DPP6: variants seen among roughly 807,000 people sequenced by gnomAD.
DPP6 encodes dipeptidyl peptidase like 6, also known as A-type potassium channel modulatory protein DPP6.
A neutral mutation model predicts 122.6 loss-of-function variants in DPP6; 69 were observed. That is an observed-to-expected ratio of 0.56 (90% CI 0.46 to 0.69). The LOEUF (loss-of-function observed/expected upper bound fraction) is 0.69, where lower values mean the gene tolerates loss of function less well. Ranked by LOEUF, DPP6 falls within the 30% of genes least tolerant of loss-of-function variation. DPP6 has a pLI of 0.00. For synonymous variants in DPP6, 418 were observed against 433.1 expected, an observed-to-expected ratio of 0.97 and a Z score of 0.43; for missense variants, 928 against 1,116.9, an observed-to-expected ratio of 0.83 and a Z score of 2.41.
At chr7:154,315,886 T>G (rs536100162) in intron 1 of DPP6, among the ~76,000 whole-genome samples, 64 of 152,292 alleles carry the variant, frequency 4.2e-4, no homozygotes, top group African/African-American at 1.5e-3. Context: ...ATATGGTACT[T>G]CCTGTACCTT....
chr7:153,762,037 A>G, the DPP6 span, among the ~76,000 whole-genome samples: 5 of 152,332 alleles, frequency 3.3e-5, no homozygotes, highest in East Asian at 7.7e-4. Flanking sequence ...TTCTAGTTAC[A>G]TGTCCTGCAG....
intron 17 of DPP6, among the ~76,000 whole-genome samples, chr7:154,864,293 C>T (rs993252943): frequency 2.0e-5 from 3 of 152,196 alleles, no homozygotes; most frequent in Non-Finnish European, 4.4e-5. Context: ...TTCCATCAAT[C>T]CCCTGAACCT....
Position 154,821,649 on chromosome 7 carries a change from CATATAT to C in DPP6, c.1666+14547_1666+14552del, listed in dbSNP as rs71184039. ...TTCTGTATATATATATATATATACACATATATATATATATACACATATATATATACA... is the reference window on the plus strand; with the variant it reads ...TTCTGTATATATATATATATATACACATATATATACACATATATATATACA... On this transcript the variant is annotated intron_variant, in intron 16 of 25. Transcript: ENST00000377770. The surrounding 1 kb of genome is among the most constrained non-coding windows in gnomAD (Gnocchi z 4.2). 5.9e-4 allele frequency among the ~76,000 whole-genome samples: 56 copies of C among 94,476 alleles called. 1 individual carries two copies. In the East Asian group the frequency reaches 0.023, roughly 38 times the overall value. 62.0% of individuals were successfully genotyped at this position (94,476 alleles called of 152,430 possible).
the DPP6 span, among the ~76,000 whole-genome samples, chr7:153,791,410 T>G: frequency 1.0e-5 from 1 of 98,998 alleles, no homozygotes; most frequent in Non-Finnish European, 2.1e-5. Flanking sequence ...CTGCCTTCCT[T>G]CCTTCCTTCC....
intron 1 of DPP6, among the ~76,000 whole-genome samples, chr7:154,354,180 A>G (rs1286097516): frequency 6.6e-6 from 1 of 152,210 alleles, no homozygotes; most frequent in African/African-American, 2.4e-5. Context: ...CTTCTCAGCT[A>G]TCTTCCCTAT....
At chr7:154,261,223 C>G (rs186657852) in intron 1 of DPP6, among the ~76,000 whole-genome samples, 1 of 152,152 alleles carries the variant, frequency 6.6e-6, no homozygotes, top group Non-Finnish European at 1.5e-5. Context: ...GGAATCTCCA[C>G]ACTGTTTTCC....
At chr7:153,977,665 G>A (rs1204216125) in intron 1 of DPP6, among the ~76,000 whole-genome samples, 5 of 151,976 alleles carry the variant, frequency 3.3e-5, no homozygotes, top group Admixed American at 6.6e-5. Flanking sequence ...CCATCAACCC[G>A]TCATCTACAT....
At chr7:154,742,752 C>T (rs1033170719) in intron 8 of DPP6, among the ~76,000 whole-genome samples, 4 of 152,220 alleles carry the variant, frequency 2.6e-5, no homozygotes, top group Non-Finnish European at 2.9e-5. Context: ...TATGCCAGGA[C>T]AAAGAAGGCG....
rs1036578811 is a variant in DPP6 at position 154,224,495 on chromosome 7, T to C, written c.243+171432T>C. On this transcript the variant is annotated intron_variant, in intron 1 of 25. Transcript: ENST00000377770. ...ACTGTGTACTCTAAATGTTTCTGCATTGGTCTCCCAGGCCATTCCAATCAA... is the reference window on the plus strand; with the variant it reads ...ACTGTGTACTCTAAATGTTTCTGCACTGGTCTCCCAGGCCATTCCAATCAA... Among the ~76,000 whole-genome samples the C allele has an allele frequency of 1.5e-4, 23 of 149,138 alleles. 1 individual carries two copies. The highest frequency in any genetic ancestry group is 4.9e-4 in the African/African-American group (19 of 39,122).
At chr7:153,758,496 C>T in the DPP6 span, among the ~76,000 whole-genome samples, 2 of 152,104 alleles carry the variant, frequency 1.3e-5, no homozygotes, top group East Asian at 3.9e-4. Flanking sequence ...CCTCATGCTC[C>T]CTTGTGATCT....
intron 1 of DPP6, among the ~76,000 whole-genome samples, chr7:154,085,769 C>A (rs1804362713): frequency 6.6e-6 from 1 of 152,108 alleles, no homozygotes; most frequent in South Asian, 2.1e-4. Flanking sequence ...ATACTGTCAC[C>A]CAGGCTGGAA....
intron 1 of DPP6, among the ~76,000 whole-genome samples, chr7:154,268,411 A>G (rs1259487120): frequency 6.6e-6 from 1 of 152,190 alleles, no homozygotes; most frequent in Non-Finnish European, 1.5e-5. Context: ...TTCCTCATTG[A>G]CAGTCATCTT....
At chr7:153,814,542 G>A in the DPP6 span, among the ~76,000 whole-genome samples, 1 of 152,040 alleles carries the variant, frequency 6.6e-6, no homozygotes, top group Admixed American at 6.5e-5. Context: ...AGGAGGAACT[G>A]GTACCATTCC....
At chr7:154,523,841 G>A (rs891238086) in intron 3 of DPP6, among the ~76,000 whole-genome samples, 1 of 152,128 alleles carries the variant, frequency 6.6e-6, no homozygotes, top group African/African-American at 2.4e-5. Flanking sequence ...GGCAAAAGAG[G>A]TGACCACCAA....
intron 1 of DPP6, among the ~76,000 whole-genome samples, chr7:154,433,136 G>GTT (rs548053204): frequency 0.053 from 3,832 of 72,320 alleles, 571 homozygotes; most frequent in Middle Eastern, 0.11. Flanking sequence ...TAGACTGCAA[G>GTT]TTTTTTTTTT....
At chr7:154,193,456 C>A (rs559345617) in intron 1 of DPP6, among the ~76,000 whole-genome samples, 1 of 152,186 alleles carries the variant, frequency 6.6e-6, no homozygotes, top group African/African-American at 2.4e-5. Flanking sequence ...TTATGGAAGC[C>A]TGGAATGATG....
intron 1 of DPP6, among the ~76,000 whole-genome samples, chr7:154,046,120 T>C (rs1303075958): frequency 6.6e-6 from 1 of 152,228 alleles, no homozygotes; most frequent in Non-Finnish European, 1.5e-5. Flanking sequence ...TGCTTTGTGC[T>C]CCCCAATTAT....
intron 1 of DPP6, among the ~76,000 whole-genome samples, chr7:154,422,983 G>T (rs929952665): frequency 6.6e-6 from 1 of 152,114 alleles, no homozygotes; most frequent in African/African-American, 2.4e-5. Context: ...CCCCATCTCA[G>T]GGGGAGGTAT....
intron 3 of DPP6, among the ~76,000 whole-genome samples, chr7:154,484,718 T>G (rs1163795393): frequency 6.6e-6 from 1 of 152,238 alleles, no homozygotes; most frequent in Non-Finnish European, 1.5e-5. Context: ...TACGCTCATT[T>G]TCATTAATCC....
Sources: allele counts gnomAD v4.1 joint callset (sites outside exome capture counted in the v4.1 genomes callset), GRCh38; gene constraint gnomAD v4.1.1; non-coding constraint Gnocchi (gnomAD v3.1); transcripts MANE v1.5; gene names NCBI Gene and HGNC (gene_info 2026-07-23, HGNC 2026-07-21).